Variants in VAV2 observed in about 807,000 individuals in gnomAD.
VAV2 encodes the protein guanine nucleotide exchange factor VAV2.
A neutral mutation model predicts 132.5 loss-of-function variants in VAV2; 67 were observed. The ratio of observed to expected loss-of-function variants is 0.51; its 90% CI spans 0.42 to 0.62. The LOEUF (loss-of-function observed/expected upper bound fraction) is 0.62, where lower values mean the gene tolerates loss of function less well. Ranked by LOEUF, VAV2 falls within the 20% of genes least tolerant of loss-of-function variation. The pLI, the probability that VAV2 is intolerant of heterozygous loss-of-function variation, is 0.00. For synonymous variants in VAV2, 492 were observed against 443.5 expected (o/e 1.11, Z -1.37); for missense variants, 938 against 1,153.6 (o/e 0.81, Z 2.71).
intron 2 of VAV2, among the ~76,000 whole-genome samples, chr9:133,877,640 G>A (rs1297576245): frequency 1.3e-5 from 2 of 152,078 alleles, no homozygotes; most frequent in African/African-American, 4.8e-5. Context: ...TCAGCCTCCC[G>A]ACTGAGCCTC....
At position 133,991,976 on chromosome 9, in the gene VAV2, G is replaced by A; in HGVS notation, c.204+99C>T. 5.7e-6 allele frequency: 6 copies of A among 1,061,078 alleles called. No individual in the cohort carries two copies. The highest frequency in any genetic ancestry group is 7.1e-6 in the Non-Finnish European group (6 of 849,042). 65.7% of individuals were successfully genotyped at this position (1,061,078 alleles called of 1,614,324 possible). On this transcript the variant is annotated intron_variant, in intron 1 of 29. Transcript: ENST00000371850. The surrounding 1 kb of genome is among the most constrained non-coding windows in gnomAD (Gnocchi z 4.8). ...CCGGAGCCCGGCCGCCCCAGCCAGGGCGCCTGGGCCGCCGCCGCTGCGACC... is the reference window on the plus strand; with the variant it reads ...CCGGAGCCCGGCCGCCCCAGCCAGGACGCCTGGGCCGCCGCCGCTGCGACC...
chr9:133,922,301 G>T (rs1840325686), intron 2 of VAV2, among the ~76,000 whole-genome samples: 1 of 152,244 alleles, frequency 6.6e-6, no homozygotes, highest in South Asian at 2.1e-4. Context: ...ACCCAGGAAG[G>T]GGCTTGACAC....
chr9:133,943,551 G>A (rs1446973915), intron 1 of VAV2, among the ~76,000 whole-genome samples: 1 of 152,224 alleles, frequency 6.6e-6, no homozygotes, highest in Non-Finnish European at 1.5e-5. Context: ...TGGACTTTAA[G>A]TCCAGCTGAG....
chr9:133,951,648 C>A (rs1255059040), intron 1 of VAV2, among the ~76,000 whole-genome samples: 1 of 152,098 alleles, frequency 6.6e-6, no homozygotes, highest in South Asian at 2.1e-4. Flanking sequence ...ACCTGTCAAG[C>A]AGGGGTGGCA....
intron 3 of VAV2, among the ~76,000 whole-genome samples, chr9:133,839,444 C>T (rs991576051): frequency 6.6e-6 from 1 of 150,376 alleles, no homozygotes; most frequent in Non-Finnish European, 1.5e-5. Context: ...AAATTAGATA[C>T]GAGGAAGTTT....
At chr9:133,846,921 C>T (rs574692302) in intron 3 of VAV2, among the ~76,000 whole-genome samples, 1 of 152,330 alleles carries the variant, frequency 6.6e-6, no homozygotes, top group Admixed American at 6.5e-5. Context: ...TGGAGCCCCA[C>T]TCTCCCACAG....
At chr9:133,790,155 G>A (rs919326251) in intron 13 of VAV2, among the ~76,000 whole-genome samples, 5 of 152,122 alleles carry the variant, frequency 3.3e-5, no homozygotes, top group Admixed American at 1.3e-4. Context: ...GATGCTCGAC[G>A]CCTGCTGGCC....
At chr9:133,939,037 T>C in intron 2 of VAV2, 66 bp downstream of exon 2, 2 of 1,473,986 alleles carry the variant, frequency 1.4e-6, no homozygotes, top group Non-Finnish European at 1.9e-6. Flanking sequence ...CTGGCCCACC[T>C]GCCGCTGAGC....
At chr9:133,835,879 T>C (rs1362317729) in intron 3 of VAV2, among the ~76,000 whole-genome samples, 1 of 152,160 alleles carries the variant, frequency 6.6e-6, no homozygotes, top group African/African-American at 2.4e-5. Flanking sequence ...TGTGGCTTCC[T>C]GGTAAAAGCC....
chr9:133,806,395 G>T (rs1835145240), intron 8 of VAV2, among the ~76,000 whole-genome samples: 2 of 152,176 alleles, frequency 1.3e-5, no homozygotes, highest in Non-Finnish European at 2.9e-5. Flanking sequence ...GTACGTGTGG[G>T]AGGGAAGCCG....
intron 9 of VAV2, among the ~76,000 whole-genome samples, chr9:133,805,702 C>A (rs578239441): frequency 1.3e-5 from 2 of 152,272 alleles, no homozygotes; most frequent in Non-Finnish European, 2.9e-5. Context: ...CACGTGCCAC[C>A]TCTTTTCATC....
rs769651196 is a variant in VAV2, at chr9:133,809,123, C to T, written c.583G>A (p.Glu195Lys). 3 of 1,613,880 alleles carry T rather than the reference C, an allele frequency of 1.9e-6. No homozygotes were observed. Among genetic ancestry groups the T allele is most frequent in the Non-Finnish European group, 2.5e-6 (3 of 1,179,912 alleles). Residue 195 changes from glutamate (E) to lysine (K), a missense_variant, in exon 7 of 30, where the codon GAA becomes AAA. Physicochemically the swap from Glu to Lys is moderately conservative, Grantham distance 56. Transcript: ENST00000371850. ...IRYMQKMGMT[E>K]DDKRNCCLLE... is the part of the protein sequence containing the mutation. ...AGGCAGCAGTTCCTCTTGTCATCTT[C>T]AGTCATGCCCATTTTCTAGAGGAGG... is the stretch of plus-strand genomic sequence containing the variant.
At position 133,884,860 on chromosome 9, in the gene VAV2, C is replaced by A. The variant is rs1838639188; in HGVS notation, c.322-23428G>T. Among the ~76,000 whole-genome samples, 1 of 152,136 alleles carries A rather than the reference C, an allele frequency of 6.6e-6. No homozygotes were observed. The highest frequency in any genetic ancestry group is 2.1e-4 in the South Asian group (1 of 4,816). ...CTCTATCAGAGACCACAGGTGCACA[C>A]AAGCATCCCCTCCCACTCAGCCAGA... On this transcript the variant is annotated intron_variant, in intron 2 of 29. Transcript: ENST00000371850. The surrounding 1 kb of genome is among the most constrained non-coding windows in gnomAD (Gnocchi z 5.3).
At position 133,961,703 on chromosome 9, in the gene VAV2, C is replaced by T. The variant is rs1365668809; in HGVS notation, c.205-22484G>A. Among the ~76,000 whole-genome samples the T allele has an allele frequency of 1.3e-5, 2 of 152,204 alleles. No individual in the cohort carries two copies. The highest frequency in any genetic ancestry group is 2.9e-5 in the Non-Finnish European group (2 of 68,020). On this transcript the variant is annotated intron_variant, in intron 1 of 29. Transcript: ENST00000371850. The surrounding 1 kb of genome is among the most constrained non-coding windows in gnomAD (Gnocchi z 4.1). The stretch of plus-strand genomic sequence containing the variant: ...CATTGCAAACCCCTAGCCGGTTTGC[C>T]TGCGAACTCCCAAGCCAGCTGCAGA...
At chr9:133,779,000 C>T (rs1833912848) in intron 21 of VAV2, 111 bp from the exon 22 acceptor site, 2 of 1,418,196 alleles carry the variant, frequency 1.4e-6, no homozygotes, top group Admixed American at 1.9e-5. Flanking sequence ...CCAGCACACA[C>T]AGCCTTGCGC....
At chr9:133,924,565 C>T (rs1231289413) in intron 2 of VAV2, among the ~76,000 whole-genome samples, 1 of 152,198 alleles carries the variant, frequency 6.6e-6, no homozygotes, top group Non-Finnish European at 1.5e-5. Context: ...CGGCTCCAAT[C>T]TGTACACTAA....
At chr9:133,906,884 T>C (rs992448375) in intron 2 of VAV2, among the ~76,000 whole-genome samples, 4 of 152,054 alleles carry the variant, frequency 2.6e-5, no homozygotes, top group African/African-American at 9.7e-5. Flanking sequence ...CTGAGACACT[T>C]TGGGGACCCT....
rs1278357110 is a variant in VAV2 at position 133,800,150 on chromosome 9, T to TA, written c.837-2342dup. Among the ~76,000 whole-genome samples the TA allele has an allele frequency of 2.0e-5, 3 of 152,300 alleles. No individual in the cohort carries two copies. In the East Asian group the frequency reaches 5.8e-4, roughly 29 times the overall value. Reference sequence around the variant, plus strand: ...CAAAGCCCAGTTCCTGGGGCTGTCCTAGGGCTGCACTGCTCTGCCTCCTGG... The same window carrying TA: ...CAAAGCCCAGTTCCTGGGGCTGTCCTAAGGGCTGCACTGCTCTGCCTCCTGG... On this transcript the variant is annotated intron_variant, in intron 9 of 29. Transcript: ENST00000371850.
intron 4 of VAV2, among the ~76,000 whole-genome samples, chr9:133,821,714 G>A (rs1264791862): frequency 6.6e-6 from 1 of 152,228 alleles, no homozygotes; most frequent in Non-Finnish European, 1.5e-5. Context: ...CTGCTCAGCT[G>A]TGTTGCTTTT....
Sources: allele counts gnomAD v4.1 joint callset (sites outside exome capture counted in the v4.1 genomes callset), GRCh38; gene constraint gnomAD v4.1.1; non-coding constraint Gnocchi (gnomAD v3.1); transcripts MANE v1.5; gene names NCBI Gene and HGNC (gene_info 2026-07-23, HGNC 2026-07-21).